JAZF1: variants seen among roughly 807,000 people sequenced by gnomAD.
The protein encoded by JAZF1 is juxtaposed with another zinc finger protein 1.
In JAZF1, 8 loss-of-function variants were observed where a neutral mutation model predicts 26.4. The observed-to-expected ratio is 0.30, with a 90% confidence interval of 0.18 to 0.55. JAZF1 has a LOEUF of 0.55. JAZF1 is among the 20% of genes least tolerant of loss of function. JAZF1 has a pLI of 0.94. For missense variants in JAZF1, 199 were observed against 322.0 expected (o/e 0.62, Z 2.92); for synonymous variants, 126 against 122.3 (o/e 1.03, Z -0.20).
chr7:27,893,695 C>T (rs967701852), intron 3 of JAZF1, among the ~76,000 whole-genome samples: 16 of 152,170 alleles, frequency 1.1e-4, no homozygotes, highest in African/African-American at 2.2e-4. Context: ...TATTTATTTG[C>T]GTATTGATTT....
chr7:28,064,938 T>A (rs1382645617), intron 1 of JAZF1, among the ~76,000 whole-genome samples: 1 of 152,174 alleles, frequency 6.6e-6, no homozygotes, highest in Non-Finnish European at 1.5e-5. Context: ...GAATCTAAAC[T>A]TTAGATCTGA....
At chr7:28,102,331 A>G (rs1784485138) in intron 1 of JAZF1, among the ~76,000 whole-genome samples, 1 of 152,268 alleles carries the variant, frequency 6.6e-6, no homozygotes, top group Non-Finnish European at 1.5e-5. Flanking sequence ...TGTGAGAATT[A>G]AAAGACATAT....
chr7:27,960,220 A>T (rs1785165879), intron 2 of JAZF1, among the ~76,000 whole-genome samples: 1 of 152,250 alleles, frequency 6.6e-6, no homozygotes, highest in African/African-American at 2.4e-5. Flanking sequence ...TCACTGGAAA[A>T]TTTTAATCAA....
chr7:28,091,072 C>T (rs549476602), intron 1 of JAZF1, among the ~76,000 whole-genome samples: 10 of 150,898 alleles, frequency 6.6e-5, no homozygotes, highest in East Asian at 1.9e-4. Context: ...ATGATCCACC[C>T]GCCTCGGCCT....
chr7:28,160,761 C>T (rs886147968), intron 1 of JAZF1, among the ~76,000 whole-genome samples: 5 of 152,166 alleles, frequency 3.3e-5, no homozygotes, highest in African/African-American at 1.2e-4. Flanking sequence ...CCTCATGCTG[C>T]ATCAGGTGAT....
chr7:27,851,053 C>G (rs1425854573), intron 3 of JAZF1, among the ~76,000 whole-genome samples: 1 of 152,168 alleles, frequency 6.6e-6, no homozygotes, highest in Non-Finnish European at 1.5e-5. Context: ...AATGATTCTC[C>G]TGCCTAAGCC....
At chr7:27,999,623 T>C (rs972972301) in intron 1 of JAZF1, among the ~76,000 whole-genome samples, 5 of 152,208 alleles carry the variant, frequency 3.3e-5, no homozygotes, top group Non-Finnish European at 5.9e-5. Context: ...ACCATATATA[T>C]TTGCAAATAT....
chr7:27,920,653 G>T (rs1784512958), intron 2 of JAZF1, among the ~76,000 whole-genome samples: 1 of 152,320 alleles, frequency 6.6e-6, no homozygotes, highest in South Asian at 2.1e-4. Context: ...TTCCTGGCCA[G>T]CAGCAAGTGC....
At chr7:27,912,495 G>A (rs1784374649) in intron 2 of JAZF1, among the ~76,000 whole-genome samples, 1 of 152,100 alleles carries the variant, frequency 6.6e-6, no homozygotes, top group Non-Finnish European at 1.5e-5. Context: ...ATAGGAGTCC[G>A]AAACTCTCAC....
intron 1 of JAZF1, among the ~76,000 whole-genome samples, chr7:28,009,518 C>G (rs1239178233): frequency 6.7e-6 from 1 of 150,078 alleles, no homozygotes; most frequent in Non-Finnish European, 1.5e-5. Flanking sequence ...GAGTCTCGCT[C>G]TGTCGCCCAG....
At chr7:28,078,875 T>C (rs1412568432) in intron 1 of JAZF1, among the ~76,000 whole-genome samples, 1 of 152,194 alleles carries the variant, frequency 6.6e-6, no homozygotes, top group Non-Finnish European at 1.5e-5. Flanking sequence ...AAGCCATCCA[T>C]AGTTTTGCCT....
intron 1 of JAZF1, among the ~76,000 whole-genome samples, chr7:28,176,599 C>T (rs1783555278): frequency 6.6e-6 from 1 of 152,144 alleles, no homozygotes. Context: ...TTGTCTGGCC[C>T]CCTATCCTAG....
chr7:28,091,161 A>G (rs1389668147), intron 1 of JAZF1, among the ~76,000 whole-genome samples: 1 of 152,112 alleles, frequency 6.6e-6, no homozygotes, highest in Non-Finnish European at 1.5e-5. Flanking sequence ...GTTAATTAAA[A>G]TTATTACTAT....
intron 1 of JAZF1, among the ~76,000 whole-genome samples, chr7:28,024,202 G>GA (rs1783054810): frequency 1.3e-5 from 2 of 152,148 alleles, no homozygotes; most frequent in African/African-American, 4.8e-5. Flanking sequence ...GGTTGCGGCG[G>GA]AAGGACTGCT....
chr7:28,162,956 C>T (rs572392285), intron 1 of JAZF1, among the ~76,000 whole-genome samples: 30 of 152,180 alleles, frequency 2.0e-4, no homozygotes, highest in Admixed American at 7.2e-4. Flanking sequence ...AGTTTAAGTT[C>T]CTGCGTCATA....
intron 1 of JAZF1, among the ~76,000 whole-genome samples, chr7:28,043,901 G>A (rs1390858474): frequency 6.6e-6 from 1 of 152,118 alleles, no homozygotes; most frequent in Non-Finnish European, 1.5e-5. Flanking sequence ...GATATAGTAT[G>A]ATTCAACTTA....
chr7:27,883,856 C>T (rs561691071), intron 3 of JAZF1, among the ~76,000 whole-genome samples: 3 of 152,326 alleles, frequency 2.0e-5, no homozygotes, highest in Non-Finnish European at 4.4e-5. Context: ...TGTCCCGTAA[C>T]TGGTTTATTT....
At chr7:27,870,069 C>T (rs978214512) in intron 3 of JAZF1, among the ~76,000 whole-genome samples, 9 of 144,724 alleles carry the variant, frequency 6.2e-5, no homozygotes, top group Non-Finnish European at 1.0e-4. Flanking sequence ...CTGCCACACC[C>T]GGTTAATTTT....
At chr7:27,866,015 C>G (rs1783466973) in intron 3 of JAZF1, among the ~76,000 whole-genome samples, 1 of 152,138 alleles carries the variant, frequency 6.6e-6, no homozygotes, top group Admixed American at 6.5e-5. Flanking sequence ...ACTTTGAACT[C>G]CTTACTCAGG....
Sources: gnomAD v4.1 joint callset for allele counts (sites outside exome capture counted in the v4.1 genomes callset) on GRCh38, gnomAD v4.1.1 for gene constraint, MANE v1.5 for transcripts, NCBI Gene and HGNC (gene_info 2026-07-23, HGNC 2026-07-21) for gene names.